The following RAB11FIP3 variants were observed in gnomAD, a reference collection of about 807,000 sequenced individuals.
The protein encoded by RAB11FIP3 is rab11 family-interacting protein 3.
Under a neutral mutation model 77.8 loss-of-function variants are expected in RAB11FIP3, and 17 were observed. The ratio of observed to expected loss-of-function variants is 0.22; its 90% confidence interval spans 0.15 to 0.33. The LOEUF (loss-of-function observed/expected upper bound fraction) is 0.33, where lower values mean the gene tolerates loss of function less well. Ranked by LOEUF, RAB11FIP3 falls within the 10% of genes least tolerant of loss-of-function variation. The pLI, the probability that RAB11FIP3 is intolerant of heterozygous loss-of-function variation, is 1.00. For missense variants in RAB11FIP3, 1,005 were observed against 1,011.2 expected (o/e 0.99, Z 0.08); for synonymous variants, 437 against 448.2 (o/e 0.98, Z 0.31).
chr16:461,380 C>T lies in RAB11FIP3; in HGVS notation c.715-24C>T. The T allele has an allele frequency of 6.2e-7, 1 of 1,603,498 alleles. No homozygotes were observed. The highest frequency in any genetic ancestry group is 8.5e-7 in the Non-Finnish European group (1 of 1,171,280). On this transcript the variant is annotated intron_variant, in intron 1 of 13. Coordinates refer to ENST00000262305, the MANE Select transcript of RAB11FIP3 (RefSeq NM_014700.4). The surrounding 1 kb of genome is among the most constrained non-coding windows in gnomAD (Gnocchi z 4.5). Reference sequence around the variant, plus strand: ...CCCCTGCTGTAAAGGCTTAGGGTAACCTAGTCTCATTTGGCAATTACAGGT... The same window carrying T: ...CCCCTGCTGTAAAGGCTTAGGGTAATCTAGTCTCATTTGGCAATTACAGGT...
At chr16:432,983 A>G (rs2055062889) in intron 1 of RAB11FIP3, among the ~76,000 whole-genome samples, 1 of 138,314 alleles carries the variant, frequency 7.2e-6, no homozygotes, top group African/African-American at 2.7e-5. Flanking sequence ...TTACAGGCAT[A>G]CACTGTAATG....
chr16:482,766 A>G, intron 4 of RAB11FIP3, 30 bp downstream of exon 4: 2 of 1,559,400 alleles, frequency 1.3e-6, no homozygotes. Flanking sequence ...CCTCCTGGAG[A>G]GGCCTTGGGA....
At chr16:430,288 A>G (rs533279086) in intron 1 of RAB11FIP3, among the ~76,000 whole-genome samples, 44 of 152,242 alleles carry the variant, frequency 2.9e-4, no homozygotes, top group African/African-American at 1.0e-3. Flanking sequence ...GTTGTGAGAA[A>G]GGATTACTTT....
chr16:463,929 T>G (rs894952620), intron 2 of RAB11FIP3, among the ~76,000 whole-genome samples: 1 of 151,108 alleles, frequency 6.6e-6, no homozygotes, highest in Non-Finnish European at 1.5e-5. Flanking sequence ...AGGCCGGGGG[T>G]GAGATGGGAA....
chr16:518,898 G>A (rs1176834857), intron 9 of RAB11FIP3, 45 bp from the exon 10 acceptor site: 1 of 1,603,150 alleles, frequency 6.2e-7, no homozygotes, highest in Non-Finnish European at 8.5e-7. Flanking sequence ...GCCCTGTAGA[G>A]GCGAGCTTCC....
chr16:429,673 T>C (rs1409108195), intron 1 of RAB11FIP3, among the ~76,000 whole-genome samples: 1 of 152,068 alleles, frequency 6.6e-6, no homozygotes, highest in Non-Finnish European at 1.5e-5. Flanking sequence ...CTATTTTTTG[T>C]ATTTTTAGTA....
intron 2 of RAB11FIP3, among the ~76,000 whole-genome samples, chr16:466,290 C>T (rs1319628671): frequency 1.3e-5 from 2 of 152,178 alleles, no homozygotes; most frequent in African/African-American, 4.8e-5. Flanking sequence ...GTGCTCAGAT[C>T]CCTCTGCAGG....
intron 1 of RAB11FIP3, among the ~76,000 whole-genome samples, chr16:444,521 T>C (rs1490487345): frequency 1.3e-5 from 2 of 152,224 alleles, no homozygotes; most frequent in African/African-American, 4.8e-5. Flanking sequence ...AGGCTCCTAA[T>C]TTTAGAGCTC....
intron 7 of RAB11FIP3, 99 bp downstream of exon 7, chr16:503,196 G>A: frequency 3.3e-6 from 3 of 918,782 alleles, no homozygotes; most frequent in Non-Finnish European, 4.9e-6. Context: ...GGACAGCACA[G>A]CCGGAGGTGA....
chr16:432,198 G>A (rs1273213264), intron 1 of RAB11FIP3, among the ~76,000 whole-genome samples: 2 of 152,144 alleles, frequency 1.3e-5, no homozygotes, highest in Non-Finnish European at 2.9e-5. Flanking sequence ...CCAACATGGT[G>A]AAACCCCATC....
intron 3 of RAB11FIP3, among the ~76,000 whole-genome samples, chr16:473,463 T>C (rs1483536017): frequency 2.0e-5 from 3 of 152,218 alleles, no homozygotes; most frequent in South Asian, 2.1e-4. Context: ...GACGGTCTGC[T>C]CTATTACTCA....
intron 5 of RAB11FIP3, among the ~76,000 whole-genome samples, chr16:493,370 C>G (rs1023500191): frequency 3.9e-5 from 6 of 151,994 alleles, no homozygotes; most frequent in African/African-American, 1.4e-4. Context: ...TGGAGGAGAT[C>G]TGAATCTTGC....
At chr16:469,520 G>A (rs376751635) in intron 2 of RAB11FIP3, among the ~76,000 whole-genome samples, 4 of 151,778 alleles carry the variant, frequency 2.6e-5, no homozygotes, top group Admixed American at 6.6e-5. Flanking sequence ...TCAGCCTCCC[G>A]AGTAGATGGG....
At chr16:464,398 G>A (rs964928484) in intron 2 of RAB11FIP3, among the ~76,000 whole-genome samples, 2 of 152,118 alleles carry the variant, frequency 1.3e-5, no homozygotes, top group Non-Finnish European at 2.9e-5. Flanking sequence ...GAATTTTGGC[G>A]TCTCACATAC....
At position 461,391 on chromosome 16, in the gene RAB11FIP3, T is replaced by G; in HGVS notation, c.715-13T>G. The stretch of plus-strand genomic sequence containing the variant: ...AAGGCTTAGGGTAACCTAGTCTCAT[T>G]TGGCAATTACAGGTGAAGGACTTAA... On this transcript the variant is annotated splice_polypyrimidine_tract_variant and intron_variant, in intron 1 of 13. Coordinates refer to ENST00000262305, the MANE Select transcript of RAB11FIP3 (RefSeq NM_014700.4). The surrounding 1 kb of genome is among the most constrained non-coding windows in gnomAD (Gnocchi z 4.5). The G allele has an allele frequency of 6.2e-7, 1 of 1,611,166 alleles. No homozygotes were observed. The highest frequency in any genetic ancestry group is 8.5e-7 in the Non-Finnish European group (1 of 1,177,914).
At chr16:513,214 G>A (rs1425225528) in intron 9 of RAB11FIP3, among the ~76,000 whole-genome samples, 1 of 151,746 alleles carries the variant, frequency 6.6e-6, no homozygotes, top group East Asian at 1.9e-4. Context: ...TTATACAGTT[G>A]TTTGTTTGTT....
intron 3 of RAB11FIP3, among the ~76,000 whole-genome samples, chr16:480,600 A>G (rs2056021014): frequency 1.3e-5 from 2 of 152,026 alleles, no homozygotes; most frequent in Admixed American, 6.6e-5. Flanking sequence ...CCCGGGTTCA[A>G]GCGATTCTTC....
intron 1 of RAB11FIP3, among the ~76,000 whole-genome samples, chr16:444,966 T>C (rs2055286601): frequency 6.6e-6 from 1 of 150,548 alleles, no homozygotes; most frequent in African/African-American, 2.4e-5. Flanking sequence ...TACAAAAAAT[T>C]AGCCAGGCAT....
intron 2 of RAB11FIP3, among the ~76,000 whole-genome samples, chr16:464,943 A>G (rs914695878): frequency 9.2e-5 from 14 of 152,210 alleles, no homozygotes; most frequent in East Asian, 5.8e-4. Context: ...TTTTGTGTGT[A>G]ATAGAGAATG....
Sources: allele counts gnomAD v4.1 joint callset (sites outside exome capture counted in the v4.1 genomes callset), GRCh38; gene constraint gnomAD v4.1.1; non-coding constraint Gnocchi (gnomAD v3.1); transcripts MANE v1.5; gene names NCBI Gene and HGNC (gene_info 2026-07-23, HGNC 2026-07-21).